ATP11A: variants seen among roughly 807,000 people sequenced by gnomAD.
ATP11A encodes the protein phospholipid-transporting ATPase IH.
Under a neutral mutation model 154.4 loss-of-function variants are expected in ATP11A, and 81 were observed. That is an observed-to-expected ratio of 0.52 (90% CI 0.44 to 0.63). The LOEUF is 0.63. Among genes scored for constraint, ATP11A ranks in the 30% least tolerant of loss-of-function variants. ATP11A has a pLI of 0.00. For missense variants in ATP11A, 1,316 were observed against 1,474.3 expected, an observed-to-expected ratio of 0.89 and a Z score of 1.76; for synonymous variants, 623 against 585.9, an observed-to-expected ratio of 1.06 and a Z score of -0.91.
intron 1 of ATP11A, among the ~76,000 whole-genome samples, chr13:112,730,067 A>G (rs1890329172): frequency 6.6e-6 from 1 of 152,188 alleles, no homozygotes; most frequent in South Asian, 2.1e-4. Context: ...GCTTCTCATG[A>G]TGGTGGAGGA....
chr13:112,729,327 T>C (rs1487307378), intron 1 of ATP11A, among the ~76,000 whole-genome samples: 1 of 152,234 alleles, frequency 6.6e-6, no homozygotes, highest in Non-Finnish European at 1.5e-5. Flanking sequence ...GCTGTTTCCA[T>C]GGGTTTATCC....
At chr13:112,879,337 C>A (rs1765871) in intron 29 of ATP11A, among the ~76,000 whole-genome samples, 80,763 of 151,810 alleles carry the variant, frequency 0.53, 21,524 homozygotes, top group East Asian at 0.65. Flanking sequence ...TCAGAATCAA[C>A]AGTTTTCTAA....
chr13:112,832,713 C>T, intron 13 of ATP11A, 147 bp from the exon 14 acceptor site: 2 of 801,716 alleles, frequency 2.5e-6, no homozygotes, highest in Non-Finnish European at 4.0e-6. Context: ...TTCCATCCCA[C>T]TGTATAACCC....
intron 1 of ATP11A, among the ~76,000 whole-genome samples, chr13:112,757,166 C>T (rs923357660): frequency 6.6e-6 from 1 of 152,190 alleles, no homozygotes; most frequent in African/African-American, 2.4e-5. Flanking sequence ...TTAGGGAGTC[C>T]AGCCTACGAG....
intron 1 of ATP11A, among the ~76,000 whole-genome samples, chr13:112,777,483 G>T (rs560197914): frequency 6.6e-6 from 1 of 152,198 alleles, no homozygotes; most frequent in South Asian, 2.1e-4. Context: ...AGAATGGCTT[G>T]AACCCGGGAG....
At chr13:112,835,515 C>T (rs566387905) in intron 15 of ATP11A, among the ~76,000 whole-genome samples, 80 of 152,320 alleles carry the variant, frequency 5.3e-4, no homozygotes, top group Admixed American at 8.5e-4. Flanking sequence ...GTTGAGGCTC[C>T]GGGTTTGCAG....
In ATP11A at chr13:112,825,464, A is replaced by T. The variant is rs548642735; in HGVS notation, c.907A>T (p.Ile303Phe). The T allele has an allele frequency of 2.5e-6, 4 of 1,613,676 alleles. No homozygotes were observed. The African/African-American group carries it at 4.0e-5, about 16-fold the overall frequency. Residue 303 changes from isoleucine (I) to phenylalanine (F), a missense_variant, in exon 11 of 30, where the codon ATT becomes TTT. Physicochemically the swap from Ile to Phe is conservative, Grantham distance 21. Transcript: ENST00000375645. The part of the protein sequence containing the change: ...MNAFLIVYLC[I>F]LISKALINTV... ...TGCGTTCCTCATTGTGTATCTCTGCATTCTGATCAGCAAAGCCCTGATAAA... is the reference window on the plus strand; with the variant it reads ...TGCGTTCCTCATTGTGTATCTCTGCTTTCTGATCAGCAAAGCCCTGATAAA...
Position 112,833,031 on chromosome 13 carries a change from G to A in ATP11A, c.1559+8G>A, listed in dbSNP as rs368066546. 1.9e-5 allele frequency: 30 copies of A among 1,608,054 alleles called. No homozygotes were observed. The East Asian group carries it at 3.8e-4, about 20-fold the overall frequency. On this transcript the variant is annotated splice_region_variant and intron_variant, in intron 14 of 29. Transcript: ENST00000375645. ...GGTCGAAGGTGTCCAGAGGTACGTCGCGGGCCAAGGGTCTGCCTGGGTTTC... is the reference window on the plus strand; with the variant it reads ...GGTCGAAGGTGTCCAGAGGTACGTCACGGGCCAAGGGTCTGCCTGGGTTTC...
intron 16 of ATP11A, among the ~76,000 whole-genome samples, chr13:112,841,086 G>C (rs943802745): frequency 2.0e-5 from 3 of 152,278 alleles, no homozygotes; most frequent in Admixed American, 1.3e-4. Flanking sequence ...CTGCACCCAG[G>C]CACAAACCAG....
chr13:112,765,827 C>G (rs1452244637), intron 1 of ATP11A, among the ~76,000 whole-genome samples: 1 of 152,242 alleles, frequency 6.6e-6, no homozygotes, highest in Non-Finnish European at 1.5e-5. Flanking sequence ...CTTAGTAAAC[C>G]AACAATACAA....
In ATP11A at chr13:112,696,603, T is replaced by C. The variant is rs1228341555; in HGVS notation, c.39+6148T>C. Among the ~76,000 whole-genome samples the C allele has an allele frequency of 6.6e-6, 1 of 152,136 alleles. No homozygotes were observed. Among genetic ancestry groups the C allele is most frequent in the Admixed American group, 6.5e-5 (1 of 15,278 alleles). ...GCGGTCACCGTGCTCATTTTTGGCT[T>C]CCAGCTACCGTTTTTCTTAGGTTAC... On this transcript the variant is annotated intron_variant, in intron 1 of 29. Coordinates refer to ENST00000375645, the MANE Select transcript of ATP11A (RefSeq NM_015205.3). The surrounding 1 kb of genome is among the most constrained non-coding windows in gnomAD (Gnocchi z 6.2).
At chr13:112,862,694 C>T in intron 25 of ATP11A, 119 bp downstream of exon 25, 1 of 1,333,326 alleles carries the variant, frequency 7.5e-7, no homozygotes, top group Non-Finnish European at 1.0e-6. Flanking sequence ...CAGCGGGGTC[C>T]ATCACCACCT....
At chr13:112,831,648 C>T in intron 13 of ATP11A, 100 bp downstream of exon 13, 4 of 1,406,420 alleles carry the variant, frequency 2.8e-6, no homozygotes, top group South Asian at 1.3e-5. Context: ...AAAATCCAGG[C>T]CCTCTCTACG....
At position 112,785,972 on chromosome 13, in the gene ATP11A, A is replaced by C. The variant is rs1166402659; in HGVS notation, c.162+715A>C. On this transcript the variant is annotated intron_variant, in intron 2 of 29. Coordinates refer to ENST00000375645, the MANE Select transcript of ATP11A (RefSeq NM_015205.3). The surrounding 1 kb of genome is among the most constrained non-coding windows in gnomAD (Gnocchi z 4.8). ...CCATTTATCTTCACCGTCCTTCAAA[A>C]TGGATGAGCTAAACCCACGCACACG... Among the ~76,000 whole-genome samples, 3 of 145,618 alleles carry C rather than the reference A, an allele frequency of 2.1e-5. 1 individual carries two copies. Among genetic ancestry groups the C allele is most frequent in the Non-Finnish European group, 4.5e-5 (3 of 66,084 alleles).
chr13:112,702,093 C>T (rs907246728), intron 1 of ATP11A, among the ~76,000 whole-genome samples: 1 of 152,024 alleles, frequency 6.6e-6, no homozygotes, highest in African/African-American at 2.4e-5. Flanking sequence ...AGCCTGTAAT[C>T]CCAGCACTTT....
chr13:112,846,544 C>T (rs2079613723), intron 17 of ATP11A, among the ~76,000 whole-genome samples: 1 of 152,200 alleles, frequency 6.6e-6, no homozygotes, highest in African/African-American at 2.4e-5. Flanking sequence ...TTTAAATCCT[C>T]CTCGCTAACG....
rs545880066 is a variant in ATP11A, at chr13:112,811,603, A to T, written c.441+877A>T. The T allele has an allele frequency of 5.9e-5, 9 of 152,266 alleles. No homozygotes were observed. The East Asian group carries it at 1.3e-3, about 23-fold the overall frequency. 9.4% of individuals were successfully genotyped at this position (152,266 alleles called of 1,614,324 possible). A position where few individuals can be genotyped will look rare whatever the true frequency, so the allele number is the denominator to read the frequency against. ...TGAAGATTGCATTTTTTTAAAAAAA[A>T]TGTATTTATTTATTTTTTAAGAGAC... On this transcript the variant is annotated intron_variant, in intron 5 of 29. Transcript: ENST00000375645.
chr13:112,858,093 G>T, intron 21 of ATP11A, 52 bp from the exon 22 acceptor site: 1 of 1,600,052 alleles, frequency 6.2e-7, no homozygotes, highest in Non-Finnish European at 8.5e-7. Flanking sequence ...TCCCTGCCCT[G>T]TGTGTGGTGT....
intron 1 of ATP11A, among the ~76,000 whole-genome samples, chr13:112,725,983 C>T (rs1237527097): frequency 6.6e-6 from 1 of 152,254 alleles, no homozygotes; most frequent in African/African-American, 2.4e-5. Context: ...GCCTGCTCAC[C>T]GCACCTCTGT....
Sources: gnomAD v4.1 joint callset for allele counts (sites outside exome capture counted in the v4.1 genomes callset) on GRCh38, gnomAD v4.1.1 for gene constraint, Gnocchi (gnomAD v3.1) non-coding constraint, MANE v1.5 for transcripts, NCBI Gene and HGNC (gene_info 2026-07-23, HGNC 2026-07-21) for gene names.